The following GIGYF2 variants were observed in gnomAD, a reference collection of about 807,000 sequenced individuals.
GIGYF2 encodes the protein GRB10-interacting GYF protein 2.
A neutral mutation model predicts 208.1 loss-of-function variants in GIGYF2; 25 were observed. The ratio of observed to expected loss-of-function variants is 0.12; its 90% confidence interval spans 0.09 to 0.17. GIGYF2 has a LOEUF of 0.17. Ranked by LOEUF, GIGYF2 falls within the 10% of genes least tolerant of loss-of-function variation. GIGYF2 has a pLI of 1.00. For synonymous variants in GIGYF2, 534 were observed against 543.8 expected, an observed-to-expected ratio of 0.98 and a Z score of 0.25; for missense variants, 1,302 against 1,579.4, an observed-to-expected ratio of 0.82 and a Z score of 2.98.
chr2:232,757,369 T>TTTTTTTTTTG (rs1698590261), intron 6 of GIGYF2, among the ~76,000 whole-genome samples: 1 of 152,006 alleles, frequency 6.6e-6, no homozygotes, highest in African/African-American at 2.4e-5. Flanking sequence ...TTTTTTTTTT[T>TTTTTTTTTTG]AACCTGAGGA....
chr2:232,702,423 A>G (rs923291749), intron 1 of GIGYF2, among the ~76,000 whole-genome samples: 14 of 151,646 alleles, frequency 9.2e-5, no homozygotes, highest in Admixed American at 4.6e-4. Context: ...TGGGCAACAG[A>G]ACGAGACTCT....
In GIGYF2 at chr2:232,729,344, T is replaced by C. The variant is rs140007143; in HGVS notation, c.-43-5811T>C. The stretch of plus-strand genomic sequence containing the variant: ...TTTGAGCTGAAAACATTTGGATAGC[T>C]GGGGTTTAAATGTTGCCCTAAGCTG... On this transcript the variant is annotated intron_variant, in intron 2 of 28. Coordinates refer to ENST00000373563, the MANE Select transcript of GIGYF2 (RefSeq NM_001103146.3). Among the ~76,000 whole-genome samples, 7 of 152,308 alleles carry C rather than the reference T, an allele frequency of 4.6e-5. No individual in the cohort carries two copies. In the East Asian group the frequency reaches 1.3e-3, roughly 29 times the overall value.
chr2:232,807,731 A>G (rs1382174550), intron 15 of GIGYF2, among the ~76,000 whole-genome samples: 1 of 152,082 alleles, frequency 6.6e-6, no homozygotes, highest in Non-Finnish European at 1.5e-5. Flanking sequence ...AAAAGTTACC[A>G]TAAACCTTTT....
At chr2:232,790,189 G>A (rs1700029645) in intron 9 of GIGYF2, among the ~76,000 whole-genome samples, 1 of 152,132 alleles carries the variant, frequency 6.6e-6, no homozygotes, top group Non-Finnish European at 1.5e-5. Context: ...GTGGGAACCT[G>A]GCATTAATAA....
intron 8 of GIGYF2, among the ~76,000 whole-genome samples, chr2:232,763,560 C>G (rs113445218): frequency 0.022 from 3,414 of 152,138 alleles, 134 homozygotes; most frequent in African/African-American, 0.077. Context: ...CACAGTGGCT[C>G]GCACCTGTAA....
rs373021341 is a variant in GIGYF2, at chr2:232,747,773, T to C, written c.171+29T>C. 7.5e-6 allele frequency: 12 copies of C among 1,603,184 alleles called. No homozygotes were observed. In the African/African-American group the frequency reaches 9.4e-5, roughly 13 times the overall value. Reference sequence around the variant, plus strand: ...AGAAAGTAGGAAAAGAGTTCAAAATTGTGAATGAGACTTTGGGATATATAC... The same window carrying C: ...AGAAAGTAGGAAAAGAGTTCAAAATCGTGAATGAGACTTTGGGATATATAC... On this transcript the variant is annotated intron_variant, in intron 4 of 28. Coordinates refer to ENST00000373563, the MANE Select transcript of GIGYF2 (RefSeq NM_001103146.3).
intron 14 of GIGYF2, among the ~76,000 whole-genome samples, chr2:232,801,001 C>T (rs1700381448): frequency 6.6e-6 from 1 of 152,024 alleles, no homozygotes; most frequent in Non-Finnish European, 1.5e-5. Context: ...CCTCAGCCAC[C>T]CAAGTAGGTG....
chr2:232,735,189 C>A lies in GIGYF2; in HGVS notation c.-9C>A. On this transcript the variant is annotated 5_prime_UTR_variant, in exon 3 of 29. Coordinates refer to ENST00000373563, the MANE Select transcript of GIGYF2 (RefSeq NM_001103146.3). ...CATATAAAAATCTATTGTAAAAATA[C>A]GGAAAAGAATGGCAGCGGAAACGCA... is the stretch of plus-strand genomic sequence containing the variant. 3 of 1,590,798 alleles carry A rather than the reference C, an allele frequency of 1.9e-6. No individual in the cohort carries two copies. The highest frequency in any genetic ancestry group is 2.6e-6 in the Non-Finnish European group (3 of 1,158,986).
intron 8 of GIGYF2, chr2:232,782,655 T>C (rs1699756587): frequency 6.6e-6 from 1 of 152,216 alleles, no homozygotes; most frequent in Non-Finnish European, 1.5e-5. Flanking sequence ...ACAATGAGAA[T>C]GAATCTCCTG....
At chr2:232,840,242 C>T (rs375934159) in intron 23 of GIGYF2, among the ~76,000 whole-genome samples, 13 of 152,122 alleles carry the variant, frequency 8.5e-5, no homozygotes, top group African/African-American at 2.2e-4. Flanking sequence ...TAAAACTACA[C>T]GGGTTGTTCA....
intron 5 of GIGYF2, among the ~76,000 whole-genome samples, chr2:232,750,718 A>T (rs772734973): frequency 6.8e-6 from 1 of 147,602 alleles, no homozygotes; most frequent in African/African-American, 2.5e-5. Context: ...GATTTATGCT[A>T]TTTATATGAG....
intron 8 of GIGYF2, chr2:232,768,482 G>A (rs1159464051): frequency 6.2e-7 from 1 of 1,614,102 alleles, no homozygotes; most frequent in East Asian, 2.2e-5. Context: ...CTAATTCAAA[G>A]TGAGAAGGAT....
intron 28 of GIGYF2, among the ~76,000 whole-genome samples, chr2:232,853,939 T>G (rs969956185): frequency 6.6e-6 from 1 of 152,256 alleles, no homozygotes; most frequent in Non-Finnish European, 1.5e-5. Flanking sequence ...AAGCCTAGAC[T>G]GATAATTAAC....
intron 2 of GIGYF2, among the ~76,000 whole-genome samples, chr2:232,732,995 G>A (rs1697570821): frequency 6.6e-6 from 1 of 151,826 alleles, no homozygotes; most frequent in Non-Finnish European, 1.5e-5. Flanking sequence ...AGTGGCTCAC[G>A]CCTGTAATCC....
intron 14 of GIGYF2, among the ~76,000 whole-genome samples, chr2:232,799,132 A>C (rs1176100108): frequency 1.3e-5 from 2 of 152,040 alleles, no homozygotes; most frequent in East Asian, 3.9e-4. Flanking sequence ...ATGTGTCAAA[A>C]TTTCCTTCCT....
chr2:232,714,790 CTT>C, intron 2 of GIGYF2, among the ~76,000 whole-genome samples: 1 of 147,392 alleles, frequency 6.8e-6, no homozygotes, highest in South Asian at 2.1e-4. Flanking sequence ...GGTCTGGCAT[CTT>C]TTTTTTTTTC....
chr2:232,780,759 A>G (rs941885195), intron 8 of GIGYF2, among the ~76,000 whole-genome samples: 4 of 152,306 alleles, frequency 2.6e-5, no homozygotes, highest in Admixed American at 6.5e-5. Flanking sequence ...TGGTTAGTCA[A>G]CTTTGTCATG....
At chr2:232,752,088 C>T (rs531931135) in intron 5 of GIGYF2, among the ~76,000 whole-genome samples, 2 of 152,212 alleles carry the variant, frequency 1.3e-5, no homozygotes, top group African/African-American at 4.8e-5. Context: ...TCATCAGATC[C>T]GTTTTGAAGG....
intron 5 of GIGYF2, among the ~76,000 whole-genome samples, chr2:232,752,032 C>T (rs551210745): frequency 3.2e-4 from 49 of 152,262 alleles, no homozygotes; most frequent in Non-Finnish European, 5.7e-4. Context: ...GTGATCACAG[C>T]GTCTTGATGC....
Sources: gnomAD v4.1 joint callset for allele counts (sites outside exome capture counted in the v4.1 genomes callset) on GRCh38, gnomAD v4.1.1 for gene constraint, MANE v1.5 for transcripts, NCBI Gene and HGNC (gene_info 2026-07-23, HGNC 2026-07-21) for gene names.